TPST1: variants seen among roughly 807,000 people sequenced by gnomAD.
TPST1 encodes protein-tyrosine sulfotransferase 1.
Under a neutral mutation model 34.8 loss-of-function variants are expected in TPST1, and 20 were observed. The observed-to-expected ratio is 0.57, with a 90% CI of 0.40 to 0.84. The LOEUF (loss-of-function observed/expected upper bound fraction) is 0.84, where lower values mean the gene tolerates loss of function less well. TPST1 is among the 40% of genes least tolerant of loss of function. TPST1 has a pLI of 0.00. For synonymous variants in TPST1, 152 were observed against 159.4 expected, an observed-to-expected ratio of 0.95 and a Z score of 0.35; for missense variants, 353 against 455.5, an observed-to-expected ratio of 0.78 and a Z score of 2.05.
At chr7:66,253,370 C>CT (rs199518226) in intron 2 of TPST1, among the ~76,000 whole-genome samples, 5,321 of 130,146 alleles carry the variant, frequency 0.041, 136 homozygotes, top group Non-Finnish European at 0.059. Flanking sequence ...AGATCGCTTT[C>CT]TTTTTTTTTT....
intron 2 of TPST1, among the ~76,000 whole-genome samples, chr7:66,281,158 T>C (rs1234732736): frequency 2.6e-5 from 4 of 152,202 alleles, no homozygotes; most frequent in Non-Finnish European, 5.9e-5. Flanking sequence ...TGAACCCACC[T>C]TGCATCCCAG....
chr7:66,357,913 G>A (rs1380110732), intron 5 of TPST1, among the ~76,000 whole-genome samples: 5 of 152,094 alleles, frequency 3.3e-5, no homozygotes, highest in East Asian at 1.9e-4. Flanking sequence ...GTGAAACCTC[G>A]TCTCTACTAA....
intron 3 of TPST1, among the ~76,000 whole-genome samples, chr7:66,338,451 C>T (rs908228582): frequency 6.6e-6 from 1 of 152,152 alleles, no homozygotes; most frequent in African/African-American, 2.4e-5. Context: ...GAAACGTAGA[C>T]ATTAAACTGT....
rs1791758513 is a variant in TPST1, at chr7:66,321,577, C to T, written c.1045-30928C>T. Among the ~76,000 whole-genome samples the T allele has an allele frequency of 2.6e-5, 4 of 152,188 alleles. 1 individual carries two copies. The highest frequency in any genetic ancestry group is 9.7e-5 in the African/African-American group (4 of 41,448). On this transcript the variant is annotated intron_variant, in intron 3 of 5. Transcript: ENST00000304842. ...TCTTGGGAATGTGCAACCAGGCCTG[C>T]TGAGTTAATAAACTTTTCCAGCAGA...
intron 1 of TPST1, among the ~76,000 whole-genome samples, chr7:66,222,145 A>T (rs1213945318): frequency 1.3e-5 from 2 of 152,206 alleles, no homozygotes; most frequent in East Asian, 3.8e-4. Flanking sequence ...GCACTTTGGG[A>T]GGCCGAGGCA....
chr7:66,213,705 C>G (rs1010829190), intron 1 of TPST1, among the ~76,000 whole-genome samples: 1 of 150,288 alleles, frequency 6.7e-6, no homozygotes, highest in African/African-American at 2.5e-5. Flanking sequence ...GATCGTGCCA[C>G]TGCACTCCAG....
chr7:66,233,349 G>C (rs1789838916), intron 1 of TPST1, among the ~76,000 whole-genome samples: 1 of 151,904 alleles, frequency 6.6e-6, no homozygotes. Flanking sequence ...TATACATTTA[G>C]GTCTGATTCA....
chr7:66,326,957 T>A (rs1445628710), intron 3 of TPST1, among the ~76,000 whole-genome samples: 1 of 152,218 alleles, frequency 6.6e-6, no homozygotes, highest in African/African-American at 2.4e-5. Context: ...TGCCAAAATA[T>A]TTTGAAACAA....
At chr7:66,211,518 C>T (rs1412192896) in intron 1 of TPST1, among the ~76,000 whole-genome samples, 1 of 152,222 alleles carries the variant, frequency 6.6e-6, no homozygotes. Context: ...GTACTTGATA[C>T]ATTTTAGAAA....
chr7:66,236,349 C>CT (rs1323925595), intron 1 of TPST1, among the ~76,000 whole-genome samples: 1 of 151,980 alleles, frequency 6.6e-6, no homozygotes, highest in African/African-American at 2.4e-5. Flanking sequence ...CTTTTTCACT[C>CT]TGTCTCTATA....
intron 1 of TPST1, among the ~76,000 whole-genome samples, chr7:66,213,144 C>T (rs1203004070): frequency 1.3e-5 from 2 of 152,290 alleles, no homozygotes; most frequent in East Asian, 1.9e-4. Flanking sequence ...AATAATTTTT[C>T]AGTACCACTC....
intron 1 of TPST1, 57 bp from the exon 2 acceptor site, chr7:66,240,268 A>T: frequency 1.1e-6 from 1 of 869,814 alleles, no homozygotes; most frequent in Non-Finnish European, 1.7e-6. Context: ...ATAACTGGTG[A>T]CTGATTTGTA....
At chr7:66,219,145 G>T (rs10272149) in intron 1 of TPST1, among the ~76,000 whole-genome samples, 1 of 149,720 alleles carries the variant, frequency 6.7e-6, no homozygotes, top group Non-Finnish European at 1.5e-5. Flanking sequence ...TGATCCACCC[G>T]CTTCAGCCTC....
At chr7:66,202,187 T>TA (rs1207605029), upstream of TPST1, among the ~76,000 whole-genome samples, 1 of 152,216 alleles carries the variant, frequency 6.6e-6, no homozygotes, top group Admixed American at 6.5e-5. Flanking sequence ...GGGGCAGATT[T>TA]AGAAAGCAGG....
At chr7:66,225,076 C>T (rs925876541) in intron 1 of TPST1, among the ~76,000 whole-genome samples, 1 of 151,346 alleles carries the variant, frequency 6.6e-6, no homozygotes, top group Non-Finnish European at 1.5e-5. Flanking sequence ...CGCCACCACG[C>T]CTGGCTAATT....
At chr7:66,266,103 A>G (rs1229344729) in intron 2 of TPST1, among the ~76,000 whole-genome samples, 5 of 152,242 alleles carry the variant, frequency 3.3e-5, no homozygotes, top group Admixed American at 3.3e-4. Flanking sequence ...CACTGGCCCA[A>G]GCTGGTTCCC....
chr7:66,355,733 C>T (rs1792568598), intron 4 of TPST1, among the ~76,000 whole-genome samples: 1 of 151,594 alleles, frequency 6.6e-6, no homozygotes, highest in South Asian at 2.1e-4. Flanking sequence ...AACTCCATCT[C>T]TAAAAACAAG....
At chr7:66,297,268 A>G (rs1194928104) in intron 3 of TPST1, among the ~76,000 whole-genome samples, 1 of 152,050 alleles carries the variant, frequency 6.6e-6, no homozygotes, top group African/African-American at 2.4e-5. Context: ...ATTATTTCCA[A>G]CTGTCTTCTG....
chr7:66,228,278 T>G (rs1789705647), intron 1 of TPST1, among the ~76,000 whole-genome samples: 1 of 152,232 alleles, frequency 6.6e-6, no homozygotes, highest in South Asian at 2.1e-4. Context: ...GTAGTTACCT[T>G]GTTTTCCTAC....
Sources: allele counts gnomAD v4.1 joint callset (sites outside exome capture counted in the v4.1 genomes callset), GRCh38; gene constraint gnomAD v4.1.1; transcripts MANE v1.5; gene names NCBI Gene and HGNC (gene_info 2026-07-23, HGNC 2026-07-21).